PEX6: variants seen among roughly 807,000 people sequenced by gnomAD.
The protein encoded by PEX6 is peroxisomal biogenesis factor 6.
Under a neutral mutation model 85.6 loss-of-function variants are expected in PEX6, and 55 were observed. That is an observed-to-expected ratio of 0.64 (90% CI 0.52 to 0.80). The LOEUF is 0.80. Among genes scored for constraint, PEX6 ranks in the 30% least tolerant of loss-of-function variants. The pLI, the probability that PEX6 is intolerant of heterozygous loss-of-function variation, is 0.00. For synonymous variants in PEX6, 519 were observed against 549.1 expected (o/e 0.95, Z 0.77); for missense variants, 1,099 against 1,260.3 (o/e 0.87, Z 1.94).
At position 42,975,031 on chromosome 6, in the gene PEX6, A is replaced by G. The variant is rs1435802052; in HGVS notation, c.890T>C (p.Leu297Ser). 1 of 1,612,592 alleles carries G rather than the reference A, an allele frequency of 6.2e-7. No homozygotes were observed. The highest frequency in any genetic ancestry group is 8.5e-7 in the Non-Finnish European group (1 of 1,179,648). Residue 297 changes from leucine (L) to serine (S), a missense_variant, in exon 2 of 17, where the codon TTG (leucine) becomes TCG (serine). By Grantham distance (145) the Leu-to-Ser change is moderately radical. Transcript: ENST00000304611. ...GTCTTCAGGGGCGATGGAGCCTTCCAAGTACCTCTATTAGAGAAATAACCA... is the reference window on the plus strand; with the variant it reads ...GTCTTCAGGGGCGATGGAGCCTTCCGAGTACCTCTATTAGAGAAATAACCA... ...EMGELRIQRY[L>S]EGSIAPEDKG...
rs1337528389 is a variant in PEX6 at position 42,963,928 on chromosome 6, A to ACCCCCCCCCCCCCCCCCCCCGCCTACTCC, written c.*406_*407insGGAGTAGGCGGGGGGGGGGGGGGGGGGGG. On this transcript the variant is annotated 3_prime_UTR_variant, in exon 17 of 17. Coordinates refer to ENST00000304611, the MANE Select transcript of PEX6 (RefSeq NM_000287.4). ...GAAGGATCAGGCTCCCATGCTGCCC[A>ACCCCCCCCCCCCCCCCCCCCGCCTACTCC]CCCCCCCACCCTCTCCCAGGGCTTA... 2.7e-6 allele frequency: 1 copy of ACCCCCCCCCCCCCCCCCCCCGCCTACTCC among 366,266 alleles called. No individual in the cohort carries two copies. Among genetic ancestry groups the ACCCCCCCCCCCCCCCCCCCCGCCTACTCC allele is most frequent in the Non-Finnish European group, 5.0e-6 (1 of 198,094 alleles). 22.7% of individuals were successfully genotyped at this position (366,266 alleles called of 1,614,324 possible).
At chr6:42,975,398 A>G (rs1214408473) in intron 1 of PEX6, among the ~76,000 whole-genome samples, 2 of 152,156 alleles carry the variant, frequency 1.3e-5, no homozygotes, top group African/African-American at 2.4e-5. Context: ...TAGTGGGGAA[A>G]CTGAATTCAG....
intron 3 of PEX6, among the ~76,000 whole-genome samples, chr6:42,972,541 C>T (rs187808611): frequency 1.7e-3 from 255 of 152,212 alleles, no homozygotes; most frequent in African/African-American, 5.7e-3. Flanking sequence ...GAGGCCGAGG[C>T]GGGCGGATCA....
In PEX6 at chr6:42,965,919, G is replaced by T; in HGVS notation, c.2362+125C>A. The T allele has an allele frequency of 7.4e-7, 1 of 1,348,932 alleles. No individual in the cohort carries two copies. The highest frequency in any genetic ancestry group is 1.1e-6 in the Non-Finnish European group (1 of 942,828). 83.6% of individuals were successfully genotyped at this position (1,348,932 alleles called of 1,614,324 possible). On this transcript the variant is annotated intron_variant, in intron 12 of 16. Transcript: ENST00000304611. The surrounding 1 kb of genome is among the most constrained non-coding windows in gnomAD (Gnocchi z 5.0). ...CATCCCAGGTACTAGACCCAGCTGG[G>T]CAGGAACCTGACTTGTAGAAAGGAG...
In PEX6 at chr6:42,978,786, G is replaced by A. The variant is rs992343426; in HGVS notation, c.365C>T (p.Pro122Leu). 1.3e-6 allele frequency: 2 copies of A among 1,534,214 alleles called. No individual in the cohort carries two copies. The highest frequency in any genetic ancestry group is 1.7e-6 in the Non-Finnish European group (2 of 1,146,624). ...LGPGLGPRVG[P>L]LLVRRGETLP... The stretch of plus-strand genomic sequence containing the variant: ...GGTCTCTCCGCGCCTCACCAGCAGC[G>A]GCCCGACTCGCGGTCCGAGCCCAGG... The change falls in exon 1 of 17, where the codon CCG becomes CTG. Residue 122 changes from proline (P) to leucine (L), a missense_variant. By Grantham distance (98) the Pro-to-Leu change is moderately conservative. Transcript: ENST00000304611.
At chr6:42,966,157 A>G in intron 11 of PEX6, 52 bp from the exon 12 acceptor site, 2 of 1,609,618 alleles carry the variant, frequency 1.2e-6, no homozygotes, top group Non-Finnish European at 1.7e-6. Flanking sequence ...CATACACACA[A>G]TTGACCTCTT....
intron 2 of PEX6, among the ~76,000 whole-genome samples, chr6:42,974,442 GTTTTTTTTGTT>G (rs1227419781): frequency 2.2e-4 from 25 of 115,944 alleles, no homozygotes; most frequent in African/African-American, 7.9e-4. Context: ...TGTCTGAAAT[GTTTTTTTTGTT>G]TTTTTTTTTT....
Position 42,964,810 on chromosome 6 carries a change from C to A in PEX6, c.2786G>T (p.Arg929Met). ...CTCACCTTCCTCCAGGTCATGAACC[C>A]TGCGTTTGAGGGCAGCTGTCATAGC... ...SDAMTAALKR[R>M]VHDLEEGLEP... is the part of the protein sequence containing the mutation. The change falls in exon 16 of 17, where the codon AGG (arginine) becomes ATG (methionine). Residue 929 changes from arginine to methionine, a missense_variant. Arg to Met is a moderately conservative substitution (Grantham distance 91). Around this residue, in one of 3 missense-constraint regions of PEX6, gnomAD observed 514 missense variants for 627.0 expected, o/e 0.82. Coordinates refer to ENST00000304611, the MANE Select transcript of PEX6 (RefSeq NM_000287.4). This position sits in a 1 kb window ranked among gnomAD's most constrained non-coding sequence, Gnocchi z 4.6. 6.2e-7 allele frequency: 1 copy of A among 1,614,076 alleles called. No individual in the cohort carries two copies. Among genetic ancestry groups the A allele is most frequent in the Non-Finnish European group, 8.5e-7 (1 of 1,180,024 alleles).
At position 42,968,995 on chromosome 6, in the gene PEX6, G is replaced by T; in HGVS notation, c.1368-10C>A. The T allele has an allele frequency of 6.3e-7, 1 of 1,583,958 alleles. No homozygotes were observed. On this transcript the variant is annotated splice_polypyrimidine_tract_variant and intron_variant, in intron 5 of 16. Coordinates refer to ENST00000304611, the MANE Select transcript of PEX6 (RefSeq NM_000287.4). ...TGTCAGCAGGGCACCCCTGCAACCA[G>T]AGAACAGACATTCGTCTCCTTCATT...
chr6:42,968,809 C>G, intron 6 of PEX6, 65 bp downstream of exon 6: 1 of 1,188,028 alleles, frequency 8.4e-7, no homozygotes, highest in Non-Finnish European at 1.3e-6. Context: ...GAGGAAGCAG[C>G]AGAGAGGGAG....
intron 5 of PEX6, 139 bp downstream of exon 5, chr6:42,969,529 T>C: frequency 1.9e-6 from 2 of 1,030,036 alleles, no homozygotes; most frequent in Non-Finnish European, 3.0e-6. Flanking sequence ...GGTGGCCTTG[T>C]GTAGGACATA....
chr6:42,973,515 C>G lies in PEX6; in HGVS notation c.1130+488G>C, dbSNP rs534159085. On this transcript the variant is annotated intron_variant, in intron 3 of 16. Coordinates refer to ENST00000304611, the MANE Select transcript of PEX6 (RefSeq NM_000287.4). ...GGTTCTTAACCTTTCTTCAGTCATACACTTGTTTGGGAACTGAAGGACAGG... is the reference window on the plus strand; with the variant it reads ...GGTTCTTAACCTTTCTTCAGTCATAGACTTGTTTGGGAACTGAAGGACAGG... Among the ~76,000 whole-genome samples the G allele has an allele frequency of 6.6e-5, 10 of 152,242 alleles. 1 individual carries two copies. The South Asian group carries it at 2.1e-3, about 32-fold the overall frequency.
At chr6:42,969,621 G>T (rs371491369) in intron 5 of PEX6, 47 bp downstream of exon 5, 6 of 1,610,752 alleles carry the variant, frequency 3.7e-6, no homozygotes, top group Non-Finnish European at 5.1e-6. Context: ...CTCCAGGGAT[G>T]TTCTAAGCAG....
At chr6:42,974,175 A>G in intron 2 of PEX6, 89 bp from the exon 3 acceptor site, 1 of 974,404 alleles carries the variant, frequency 1.0e-6, no homozygotes, top group Non-Finnish European at 1.6e-6. Context: ...CATGCAGACT[A>G]CTTCTTGAGT....
Position 42,965,734 on chromosome 6 carries a change from GTCC to G in PEX6, c.2415_2417del (p.Asp806del), listed in dbSNP as rs777939088. 1.1e-5 allele frequency: 18 copies of G among 1,613,988 alleles called. No homozygotes were observed. The African/African-American group carries it at 2.1e-4, about 19-fold the overall frequency. On this transcript the variant is annotated inframe_deletion, in exon 13 of 17. Transcript: ENST00000304611. The surrounding 1 kb of genome is among the most constrained non-coding windows in gnomAD (Gnocchi z 5.0). ...TTCGCCCCCGGCTTGGGGCCAAAGA[GTCC>G]AGTTCATCAAAGAAGATAATGCATG...
At chr6:42,973,943 T>C in intron 3 of PEX6, 60 bp downstream of exon 3, 7 of 1,125,134 alleles carry the variant, frequency 6.2e-6, no homozygotes, top group Non-Finnish European at 9.5e-6. Flanking sequence ...GGGAGGGGAT[T>C]GTAGAACTCA....
At position 42,964,764 on chromosome 6, in the gene PEX6, AC is replaced by A. The variant is rs1561818944; in HGVS notation, c.2806+25del. 2.5e-6 allele frequency: 4 copies of A among 1,613,216 alleles called. No individual in the cohort carries two copies. The highest frequency in any genetic ancestry group is 3.4e-6 in the Non-Finnish European group (4 of 1,179,818). On this transcript the variant is annotated intron_variant, in intron 16 of 16. Transcript: ENST00000304611. The surrounding 1 kb of genome is among the most constrained non-coding windows in gnomAD (Gnocchi z 4.6). ...CAGCTCCCCACTAGCTTTTTGGTTG[AC>A]CTCTCAGACCGGCAAGTGGCTCACC...
At position 42,968,369 on chromosome 6, in the gene PEX6, C is replaced by T. The variant is rs1398332017; in HGVS notation, c.1609G>A (p.Asp537Asn). 11 of 1,614,030 alleles carry T rather than the reference C, an allele frequency of 6.8e-6. No individual in the cohort carries two copies. The highest frequency in any genetic ancestry group is 8.5e-6 in the Non-Finnish European group (10 of 1,180,048). The change falls in exon 7 of 17, where the codon GAC becomes AAC. Residue 537 changes from aspartate to asparagine, a missense_variant. Physicochemically the swap from Asp to Asn is conservative, Grantham distance 23. Around this residue, in one of 3 missense-constraint regions of PEX6, gnomAD observed 514 missense variants for 627.0 expected, o/e 0.82. Coordinates refer to ENST00000304611, the MANE Select transcript of PEX6 (RefSeq NM_000287.4). ...GCATCCTCACCCAGCCCATCACGGT[C>T]CCGGCCCAGAAGGTCCACAGCTGTG... is the stretch of plus-strand genomic sequence containing the variant. ...LLTAVDLLGR[D>N]RDGLGEDARV...
chr6:42,974,049 T>C lies in PEX6; in HGVS notation c.1084A>G (p.Ile362Val), dbSNP rs992771579. 14 of 1,613,974 alleles carry C rather than the reference T, an allele frequency of 8.7e-6. No homozygotes were observed. In the African/African-American group the frequency reaches 1.3e-4, roughly 15 times the overall value. The change falls in exon 3 of 17, where the codon ATT becomes GTT. Residue 362 changes from isoleucine to valine, a missense_variant. Transcript: ENST00000304611. ...QEGDVLCVPT[I>V]GQVEILEGSP... ...CCTTCCAGGATCTCTACTTGCCCAA[T>C]TGTTGGCACACATAGAACATCCCCT...
Sources: gnomAD v4.1 joint callset for allele counts (sites outside exome capture counted in the v4.1 genomes callset) on GRCh38, gnomAD v4.1.1 for gene constraint, gnomAD v4.1.1 regional missense constraint, Gnocchi (gnomAD v3.1) non-coding constraint, MANE v1.5 for transcripts, NCBI Gene and HGNC (gene_info 2026-07-23, HGNC 2026-07-21) for gene names.